The following L3MBTL4 variants were observed in gnomAD, a reference collection of about 807,000 sequenced individuals.
L3MBTL4 encodes the protein L3MBTL histone methyl-lysine binding protein 4.
A neutral mutation model predicts 84.5 loss-of-function variants in L3MBTL4; 70 were observed. That is an observed-to-expected ratio of 0.83 (90% CI 0.68 to 1.01). The LOEUF is 1.01. Ranked by LOEUF, L3MBTL4 falls within the 50% of genes least tolerant of loss-of-function variation. The probability of loss-of-function intolerance (pLI) is 0.00; values close to 1 mark genes in which losing one functional copy is unlikely to be tolerated. For missense variants in L3MBTL4, 715 were observed against 754.8 expected (o/e 0.95, Z 0.62); for synonymous variants, 274 against 259.8 (o/e 1.05, Z -0.52).
rs190023895 is a variant in L3MBTL4, at chr18:6,288,575, G to A, written c.127+13328C>T. 3.0e-3 allele frequency among the ~76,000 whole-genome samples: 458 copies of A among 152,084 alleles called. 1 individual carries two copies. The highest frequency in any genetic ancestry group is 4.9e-3 in the Non-Finnish European group (336 of 67,950). ...CAAAATGATCTTGTTTATGCAATTC[G>A]TTGATAAATAAGATCAATTTAATGT... On this transcript the variant is annotated intron_variant, in intron 4 of 18. Coordinates refer to ENST00000317931, the MANE Select transcript of L3MBTL4 (RefSeq NM_001330559.2).
intron 10 of L3MBTL4, among the ~76,000 whole-genome samples, chr18:6,228,371 AC>A (rs1284177160): frequency 1.3e-5 from 2 of 152,158 alleles, no homozygotes; most frequent in Non-Finnish European, 2.9e-5. Context: ...AAAAGCTGAG[AC>A]TCATTTAAAA....
chr18:6,158,372 G>C (rs1598942465), intron 13 of L3MBTL4, among the ~76,000 whole-genome samples: 2 of 152,296 alleles, frequency 1.3e-5, no homozygotes, highest in South Asian at 4.1e-4. Flanking sequence ...TATTCTAAAG[G>C]GTGAGAAAGA....
intron 16 of L3MBTL4, among the ~76,000 whole-genome samples, chr18:5,970,462 A>G (rs925438291): frequency 6.6e-6 from 1 of 152,232 alleles, no homozygotes; most frequent in African/African-American, 2.4e-5. Flanking sequence ...TTTAAGGAAA[A>G]GGTCTCAATT....
intron 5 of L3MBTL4, among the ~76,000 whole-genome samples, chr18:6,256,351 G>A (rs1400734617): frequency 6.6e-6 from 1 of 151,994 alleles, no homozygotes; most frequent in Non-Finnish European, 1.5e-5. Flanking sequence ...TTCAAGTAAG[G>A]AAGACAAAGA....
intron 15 of L3MBTL4, among the ~76,000 whole-genome samples, chr18:6,086,479 A>T (rs1026834850): frequency 7.9e-5 from 12 of 152,198 alleles, no homozygotes; most frequent in Admixed American, 7.2e-4. Context: ...ATAACTGTAC[A>T]TTCATTTAGG....
At chr18:6,012,738 ACTCCAGC>A (rs1403677018) in intron 16 of L3MBTL4, among the ~76,000 whole-genome samples, 8 of 151,972 alleles carry the variant, frequency 5.3e-5, no homozygotes, top group Non-Finnish European at 1.0e-4. Flanking sequence ...GCGCCATTGC[ACTCCAGC>A]CTACACCACA....
At chr18:6,270,970 T>C (rs1698504143) in intron 4 of L3MBTL4, among the ~76,000 whole-genome samples, 1 of 152,018 alleles carries the variant, frequency 6.6e-6, no homozygotes, top group South Asian at 2.1e-4. Flanking sequence ...AACACAATAG[T>C]CCAAACAAGT....
intron 16 of L3MBTL4, among the ~76,000 whole-genome samples, chr18:5,974,851 C>T (rs1357624577): frequency 6.6e-6 from 1 of 151,962 alleles, no homozygotes; most frequent in Non-Finnish European, 1.5e-5. Context: ...GTAGTCTTGG[C>T]TACTTGGGAG....
At chr18:6,027,765 A>C (rs2055580188) in intron 16 of L3MBTL4, among the ~76,000 whole-genome samples, 1 of 151,974 alleles carries the variant, frequency 6.6e-6, no homozygotes, top group South Asian at 2.1e-4. Flanking sequence ...TGTGGTTTTT[A>C]TTTGCATTTC....
intron 4 of L3MBTL4, among the ~76,000 whole-genome samples, chr18:6,274,936 T>G (rs2049018947): frequency 6.6e-6 from 1 of 152,136 alleles, no homozygotes; most frequent in African/African-American, 2.4e-5. Flanking sequence ...CATTTCTAGC[T>G]TAGGAGAGTG....
chr18:6,118,974 GCA>G, intron 14 of L3MBTL4, among the ~76,000 whole-genome samples: 1 of 146,148 alleles, frequency 6.8e-6, no homozygotes, highest in Non-Finnish European at 1.5e-5. Flanking sequence ...AATAGATTTG[GCA>G]CAGTTTTTTT....
intron 1 of L3MBTL4, among the ~76,000 whole-genome samples, chr18:6,368,701 T>A (rs1025788989): frequency 4.0e-4 from 61 of 152,186 alleles, no homozygotes; most frequent in African/African-American, 1.4e-3. Context: ...TAATTCACTT[T>A]AAGCAACTGG....
chr18:6,343,802 C>G (rs1431573119), intron 1 of L3MBTL4, among the ~76,000 whole-genome samples: 1 of 151,196 alleles, frequency 6.6e-6, no homozygotes, highest in Non-Finnish European at 1.5e-5. Flanking sequence ...TCCTGAATAA[C>G]CAATTGGTCA....
intron 1 of L3MBTL4, among the ~76,000 whole-genome samples, chr18:6,393,592 T>C (rs1324730306): frequency 6.6e-6 from 1 of 152,194 alleles, no homozygotes; most frequent in Non-Finnish European, 1.5e-5. Flanking sequence ...CTCAGGACAG[T>C]TGCTTAAGCC....
At chr18:6,281,792 T>C (rs1031710857) in intron 4 of L3MBTL4, among the ~76,000 whole-genome samples, 3 of 152,140 alleles carry the variant, frequency 2.0e-5, no homozygotes, top group Non-Finnish European at 2.9e-5. Flanking sequence ...TACAGGTAAA[T>C]AGAAGTGCTA....
rs781397714 is a variant in L3MBTL4 at position 6,243,387 on chromosome 18, TTAAA to T, written c.363_366del (p.Tyr121Ter). The T allele has an allele frequency of 4.4e-6, 7 of 1,607,658 alleles. No homozygotes were observed. Among genetic ancestry groups the T allele is most frequent in the Non-Finnish European group, 5.1e-6 (6 of 1,177,248 alleles). ...GCATTGGTCCAAAAATCATAGCAAC[TTAAA>T]TAACCATCAAAATGAAGTCTTAGAC... On this transcript the variant is annotated frameshift_variant, in exon 7 of 19. Coordinates refer to ENST00000317931, the MANE Select transcript of L3MBTL4 (RefSeq NM_001330559.2). LOFTEE classifies it high-confidence loss of function.
Position 6,251,367 on chromosome 18 carries a change from A to G in L3MBTL4, c.220-6779T>C, listed in dbSNP as rs180822867. Among the ~76,000 whole-genome samples, 5 of 152,376 alleles carry G rather than the reference A, an allele frequency of 3.3e-5. No homozygotes were observed. In the East Asian group the frequency reaches 9.6e-4, roughly 29 times the overall value. ...TAGAATGGTTAGATACAATTTTCTCAGTAAGAGAAAGGAAGAATATAAGAT... is the reference window on the plus strand; with the variant it reads ...TAGAATGGTTAGATACAATTTTCTCGGTAAGAGAAAGGAAGAATATAAGAT... On this transcript the variant is annotated intron_variant, in intron 5 of 18. Transcript: ENST00000317931.
At chr18:6,157,132 T>C (rs979753433) in intron 13 of L3MBTL4, among the ~76,000 whole-genome samples, 2 of 151,974 alleles carry the variant, frequency 1.3e-5, no homozygotes, top group Admixed American at 1.3e-4. Flanking sequence ...ACTTTGAAAA[T>C]AGCTACCTTT....
chr18:6,093,031 C>T (rs573557990), intron 15 of L3MBTL4, among the ~76,000 whole-genome samples: 10 of 152,088 alleles, frequency 6.6e-5, no homozygotes, highest in South Asian at 2.1e-4. Context: ...ATCTATGAAA[C>T]GATTCAAAAG....
Sources: gnomAD v4.1 joint callset for allele counts (sites outside exome capture counted in the v4.1 genomes callset) on GRCh38, gnomAD v4.1.1 for gene constraint, MANE v1.5 for transcripts, NCBI Gene and HGNC (gene_info 2026-07-23, HGNC 2026-07-21) for gene names.